Variants in NCAM1 observed in about 807,000 individuals in gnomAD.
NCAM1 encodes antigen recognized by monoclonal antibody 5.1H11.
In NCAM1, 14 loss-of-function variants were observed where a neutral mutation model predicts 109.8. The observed-to-expected ratio is 0.13, with a 90% confidence interval of 0.08 to 0.20. The LOEUF (loss-of-function observed/expected upper bound fraction) is 0.20, where lower values mean the gene tolerates loss of function less well. NCAM1 is among the 10% of genes least tolerant of loss of function. NCAM1 has a pLI of 1.00. For missense variants in NCAM1, 774 were observed against 1,109.9 expected (o/e 0.70, Z 4.30); for synonymous variants, 418 against 442.9 (o/e 0.94, Z 0.70).
intron 14 of NCAM1, chr11:113,243,078 A>G (rs1304298304): frequency 1.4e-6 from 1 of 709,560 alleles, no homozygotes; most frequent in Non-Finnish European, 1.7e-6. Context: ...TACTCCGTGC[A>G]TGAGGAGGCT....
At chr11:113,185,227 G>A (rs1323553645) in intron 1 of NCAM1, among the ~76,000 whole-genome samples, 2 of 151,860 alleles carry the variant, frequency 1.3e-5, no homozygotes, top group African/African-American at 4.8e-5. Context: ...CTGAGTCCAA[G>A]AACCAAGAGA....
intron 1 of NCAM1, among the ~76,000 whole-genome samples, chr11:113,168,998 A>T (rs750890075): frequency 6.6e-6 from 1 of 151,188 alleles, no homozygotes; most frequent in Non-Finnish European, 1.5e-5. Context: ...TTGTGTGCGT[A>T]TTAAAGAGGA....
At chr11:113,006,089 T>C (rs1360078006) in intron 1 of NCAM1, among the ~76,000 whole-genome samples, 1 of 152,202 alleles carries the variant, frequency 6.6e-6, no homozygotes, top group Non-Finnish European at 1.5e-5. Context: ...TTTTTTGGTT[T>C]CAAAAAATTC....
chr11:113,084,843 A>G (rs951030678), intron 1 of NCAM1, among the ~76,000 whole-genome samples: 1 of 152,204 alleles, frequency 6.6e-6, no homozygotes, highest in Non-Finnish European at 1.5e-5. Context: ...AGTGTTAACT[A>G]CCCAGTAGTG....
intron 1 of NCAM1, among the ~76,000 whole-genome samples, chr11:113,129,685 A>G (rs1555097957): frequency 6.6e-6 from 1 of 152,190 alleles, no homozygotes; most frequent in African/African-American, 2.4e-5. Flanking sequence ...TGTCAAATGA[A>G]TACACTGGCA....
chr11:113,162,152 T>A (rs1488086167), intron 1 of NCAM1, among the ~76,000 whole-genome samples: 1 of 152,200 alleles, frequency 6.6e-6, no homozygotes, highest in African/African-American at 2.4e-5. Flanking sequence ...CTGAGATGGT[T>A]ATGGTGTGTT....
intron 14 of NCAM1, chr11:113,235,432 C>T: frequency 1.4e-6 from 1 of 720,438 alleles, no homozygotes; most frequent in Non-Finnish European, 2.5e-6. Context: ...GGGAAGGCAC[C>T]AACACATTAT....
In NCAM1 at chr11:113,275,397, A is replaced by G; in HGVS notation, c.*10A>G. On this transcript the variant is annotated 3_prime_UTR_variant, in exon 20 of 20. Coordinates refer to ENST00000316851, the MANE Select transcript of NCAM1 (RefSeq NM_181351.5). ...CGAGAGCAAAGCATGATGGGTGAAGAGAACCGAGCAAAGATCAAAATAAAA... is the reference window on the plus strand; with the variant it reads ...CGAGAGCAAAGCATGATGGGTGAAGGGAACCGAGCAAAGATCAAAATAAAA... The G allele has an allele frequency of 6.2e-7, 1 of 1,610,122 alleles. No individual in the cohort carries two copies. The highest frequency in any genetic ancestry group is 8.5e-7 in the Non-Finnish European group (1 of 1,178,040).
At chr11:112,995,954 A>T (rs527466405) in intron 1 of NCAM1, among the ~76,000 whole-genome samples, 1 of 152,306 alleles carries the variant, frequency 6.6e-6, no homozygotes, top group East Asian at 1.9e-4. Flanking sequence ...TTGAGTTATC[A>T]TTGAACATAA....
At chr11:113,074,515 T>C (rs566436554) in intron 1 of NCAM1, among the ~76,000 whole-genome samples, 153 of 152,330 alleles carry the variant, frequency 1.0e-3, no homozygotes, top group African/African-American at 3.5e-3. Context: ...GCACTTTCTT[T>C]GATGAGGGAA....
intron 1 of NCAM1, among the ~76,000 whole-genome samples, chr11:113,128,906 GGTGTGT>G (rs782123739): frequency 0.093 from 7,880 of 84,810 alleles, 249 homozygotes; most frequent in Non-Finnish European, 0.16. Context: ...AAGTTGTGAG[GGTGTGT>G]GTGTGTGTGT....
chr11:113,083,466 G>T (rs782487715), intron 1 of NCAM1, among the ~76,000 whole-genome samples: 1 of 152,170 alleles, frequency 6.6e-6, no homozygotes, highest in Non-Finnish European at 1.5e-5. Context: ...GAAGTGATTG[G>T]TGTACCACTT....
At chr11:113,005,531 C>T (rs1951871076) in intron 1 of NCAM1, among the ~76,000 whole-genome samples, 1 of 152,138 alleles carries the variant, frequency 6.6e-6, no homozygotes, top group Admixed American at 6.5e-5. Context: ...CATCATTCAG[C>T]TTGCAGACAT....
intron 9 of NCAM1, among the ~76,000 whole-genome samples, chr11:113,229,517 C>T (rs1944941689): frequency 6.6e-6 from 1 of 152,188 alleles, no homozygotes; most frequent in Non-Finnish European, 1.5e-5. Context: ...TTGTGGAAGT[C>T]AGTGTGGCGA....
In NCAM1 at chr11:113,233,259, T is replaced by C. The variant is rs1555117649; in HGVS notation, c.1635T>C (p.Ala545=). 1 of 1,613,694 alleles carries C rather than the reference T, an allele frequency of 6.2e-7. No individual in the cohort carries two copies. The highest frequency in any genetic ancestry group is 1.7e-5 in the Admixed American group (1 of 59,990). The change falls in exon 13 of 20, where the codon GCT becomes GCC. Residue 545 remains alanine, a synonymous_variant. Transcript: ENST00000316851. This position sits in a 1 kb window ranked among gnomAD's most constrained non-coding sequence, Gnocchi z 4.5. ...TGGVPILKYK[A]EWRAVGEEVW... ...GGGTGCCCATCCTCAAATACAAAGCTGAGTGGAGAGCAGTTGGTGAAGAAG... is the reference window on the plus strand; with the variant it reads ...GGGTGCCCATCCTCAAATACAAAGCCGAGTGGAGAGCAGTTGGTGAAGAAG...
chr11:113,207,889 A>G lies in NCAM1; in HGVS notation c.803A>G (p.Asp268Gly). 6.2e-7 allele frequency: 1 copy of G among 1,612,262 alleles called. No individual in the cohort carries two copies. The highest frequency in any genetic ancestry group is 8.5e-7 in the Non-Finnish European group (1 of 1,179,240). ...EDDEKYIFSD[D>G]SSQLTIKKVD... ...GATGAGAAGTACATCTTCAGCGACG[A>G]TAGTTCCCAGCTGACCATCAAAAAG... Residue 268 changes from aspartate (D) to glycine (G), a missense_variant, in exon 7 of 20, where the codon GAT (aspartate) becomes GGT (glycine). By Grantham distance (94) the Asp-to-Gly change is moderately conservative. This residue lies in a region of NCAM1 where 523 missense variants were observed against 784.2 expected (regional missense o/e 0.67). Coordinates refer to ENST00000316851, the MANE Select transcript of NCAM1 (RefSeq NM_181351.5).
At chr11:113,084,913 T>C (rs1444329218) in intron 1 of NCAM1, among the ~76,000 whole-genome samples, 5 of 152,234 alleles carry the variant, frequency 3.3e-5, no homozygotes, top group Non-Finnish European at 7.3e-5. Flanking sequence ...TGCTGACACA[T>C]AGTAAGCACT....
At chr11:112,964,129 GTTTTTTTTTTGTT>G (rs781827935) in intron 1 of NCAM1, among the ~76,000 whole-genome samples, 1 of 123,870 alleles carries the variant, frequency 8.1e-6, no homozygotes, top group Non-Finnish European at 1.7e-5. Flanking sequence ...TATATCTGAG[GTTTTTTTTTTGTT>G]TTTTTTTTTT....
At chr11:112,980,313 C>T (rs1270078295) in intron 1 of NCAM1, among the ~76,000 whole-genome samples, 1 of 151,782 alleles carries the variant, frequency 6.6e-6, no homozygotes, top group African/African-American at 2.4e-5. Flanking sequence ...ACCATGTGAA[C>T]CAGCAGCTCT....
Sources: gnomAD v4.1 joint callset for allele counts (sites outside exome capture counted in the v4.1 genomes callset) on GRCh38, gnomAD v4.1.1 for gene constraint, gnomAD v4.1.1 regional missense constraint, Gnocchi (gnomAD v3.1) non-coding constraint, MANE v1.5 for transcripts, NCBI Gene and HGNC (gene_info 2026-07-23, HGNC 2026-07-21) for gene names.